Variants in OR6Y1 observed in about 807,000 individuals in gnomAD.
OR6Y1 encodes the protein olfactory receptor 6Y1.
In OR6Y1, 1 loss-of-function variant was observed where a neutral mutation model predicts 0.4. The ratio of observed to expected loss-of-function variants is 2.74; its 90% CI spans 0.97 to 13.02. The LOEUF (loss-of-function observed/expected upper bound fraction) is 13.02, where lower values mean the gene tolerates loss of function less well. OR6Y1 is among the 30% of genes most tolerant of loss of function. The pLI, the probability that OR6Y1 is intolerant of heterozygous loss-of-function variation, is 0.12. For synonymous variants in OR6Y1, 173 were observed against 141.1 expected (o/e 1.23, Z -1.60); for missense variants, 480 against 399.8 (o/e 1.20, Z -1.71).
Position 158,549,225 on chromosome 1 carries a change from A to C in OR6Y1, c.-1120T>G, listed in dbSNP as rs1647636736. 6.6e-6 allele frequency: 1 copy of C among 151,780 alleles called. No individual in the cohort carries two copies. The allele number at this position is 151,780 out of a possible 1,614,324, so 9.4% of individuals were successfully genotyped here. A position where few individuals can be genotyped will look rare whatever the true frequency, so the allele number is the denominator to read the frequency against. On this transcript the variant is annotated 5_prime_UTR_variant, in exon 2 of 2. Coordinates refer to ENST00000641622, the MANE Select transcript of OR6Y1 (RefSeq NM_001005189.2). ...GACTCTTCTGCATTTCTGTTCATTAATTTAGCAAAATGTGTGACCTCTTTT... is the reference window on the plus strand; with the variant it reads ...GACTCTTCTGCATTTCTGTTCATTACTTTAGCAAAATGTGTGACCTCTTTT...
At position 158,549,120 on chromosome 1, in the gene OR6Y1, A is replaced by G. The variant is rs186939711; in HGVS notation, c.-1015T>C. The G allele has an allele frequency of 6.6e-6, 1 of 151,866 alleles. No individual in the cohort carries two copies. The highest frequency in any genetic ancestry group is 1.9e-4 in the East Asian group (1 of 5,182). The allele number at this position is 151,866 out of a possible 1,614,324, so 9.4% of individuals were successfully genotyped here. A position where few individuals can be genotyped will look rare whatever the true frequency, so the allele number is the denominator to read the frequency against. On this transcript the variant is annotated 5_prime_UTR_variant, in exon 2 of 2. Coordinates refer to ENST00000641622, the MANE Select transcript of OR6Y1 (RefSeq NM_001005189.2). ...ATGAAAAAAGGGAGAGGACCGTGGG[A>G]CTTTTCCAAGGGTAATAAATTTAAA...
chr1:158,547,830 A>G lies in OR6Y1; in HGVS notation c.276T>C (p.Ser92=). ...CATTGAAGGAAATACTCTTGTCATG[A>G]CTGAGGAAGTCAACAAGCATCTTGG... ...ISPKMLVDFL[S]HDKSISFNGC... is the part of the protein sequence containing the mutation. Residue 92 remains serine, a synonymous_variant, in exon 2 of 2, where the codon AGT becomes AGC. Coordinates refer to ENST00000641622, the MANE Select transcript of OR6Y1 (RefSeq NM_001005189.2). 4 of 1,613,608 alleles carry G rather than the reference A, an allele frequency of 2.5e-6. No homozygotes were observed. The highest frequency in any genetic ancestry group is 3.4e-6 in the Non-Finnish European group (4 of 1,180,010).
Position 158,547,876 on chromosome 1 carries a change from C to T in OR6Y1, c.230G>A (p.Trp77Ter), listed in dbSNP as rs1647595798. ...CTTGGGGCTGATGACTGTGACATAC[C>T]ACATCTCCAGGAAGGAGAGGTGGCT... is the stretch of plus-strand genomic sequence containing the variant. Reference protein sequence around the residue: ...FLSHLSFLEMWYVTVISPKML... With the variant: ...FLSHLSFLEM Residue 77 changes from tryptophan (W) to a stop codon, truncating the protein, a stop_gained, in exon 2 of 2, where the codon TGG (tryptophan) becomes TAG (stop). Coordinates refer to ENST00000641622, the MANE Select transcript of OR6Y1 (RefSeq NM_001005189.2). LOFTEE classifies it high-confidence loss of function. The T allele has an allele frequency of 3.1e-6, 5 of 1,613,416 alleles. No homozygotes were observed. Among genetic ancestry groups the T allele is most frequent in the Non-Finnish European group, 4.2e-6 (5 of 1,180,002 alleles).
In OR6Y1 at chr1:158,552,286, T is replaced by G. The variant is rs1281305190; in HGVS notation, c.-1433+1980A>C. The stretch of plus-strand genomic sequence containing the variant: ...TGGCCAGTTTATCGGTTCCCTAAAG[T>G]TTGTGATCATCCTCTTTGGATGATT... On this transcript the variant is annotated intron_variant, in intron 1 of 1. Transcript: ENST00000641622. 3.3e-5 allele frequency among the ~76,000 whole-genome samples: 5 copies of G among 150,388 alleles called. No homozygotes were observed. The East Asian group carries it at 9.8e-4, about 29-fold the overall frequency.
At chr1:158,552,616 G>T (rs1481782694) in intron 1 of OR6Y1, among the ~76,000 whole-genome samples, 1 of 152,060 alleles carries the variant, frequency 6.6e-6, no homozygotes, top group African/African-American at 2.4e-5. Flanking sequence ...AATTGCTCCT[G>T]GTAATGGAGG....
Position 158,547,549 on chromosome 1 carries a change from A to C in OR6Y1, c.557T>G (p.Ile186Ser), listed in dbSNP as rs754954828. ...ACAGGAGACGTTAAGGAGTGGAGAGATATCACAAAAGTAGTGATTGATCTG... is the reference window on the plus strand; with the variant it reads ...ACAGGAGACGTTAAGGAGTGGAGAGCTATCACAAAAGTAGTGATTGATCTG... ...MPQINHYFCDISPLLNVSCED... is the reference protein window; with the variant it reads ...MPQINHYFCDSSPLLNVSCED... Residue 186 changes from isoleucine to serine, a missense_variant, in exon 2 of 2, where the codon ATC (isoleucine) becomes AGC (serine). Physicochemically the swap from Ile to Ser is moderately radical, Grantham distance 142. Coordinates refer to ENST00000641622, the MANE Select transcript of OR6Y1 (RefSeq NM_001005189.2). 6.2e-7 allele frequency: 1 copy of C among 1,613,384 alleles called. No homozygotes were observed. Among genetic ancestry groups the C allele is most frequent in the Non-Finnish European group, 8.5e-7 (1 of 1,179,944 alleles).
chr1:158,551,206 A>G (rs767190029), intron 1 of OR6Y1, among the ~76,000 whole-genome samples: 1 of 151,518 alleles, frequency 6.6e-6, no homozygotes, highest in Admixed American at 6.6e-5. Context: ...ATTTAAGGAG[A>G]ATCAAAGGGC....
rs1471302317 is a variant in OR6Y1, at chr1:158,547,345, A to G, written c.761T>C (p.Ile254Thr). 6.2e-7 allele frequency: 1 copy of G among 1,613,418 alleles called. No homozygotes were observed. Among genetic ancestry groups the G allele is most frequent in the African/African-American group, 1.3e-5 (1 of 74,396 alleles). Residue 254 changes from isoleucine to threonine, a missense_variant, in exon 2 of 2, where the codon ATT becomes ACT. Ile to Thr is a moderately conservative substitution (Grantham distance 89). Transcript: ENST00000641622. Reference sequence around the variant, plus strand: ...GAAAAGTGTCATGGAATAGAAGAGAATTACGACGGTCAGGTGGGAGGCACA... The same window carrying G: ...GAAAAGTGTCATGGAATAGAAGAGAGTTACGACGGTCAGGTGGGAGGCACA... ...STCASHLTVVILFYSMTLFTY... is the reference protein window; with the variant it reads ...STCASHLTVVTLFYSMTLFTY...
intron 1 of OR6Y1, among the ~76,000 whole-genome samples, chr1:158,551,867 A>G (rs73014221): frequency 0.023 from 3,364 of 149,388 alleles, 211 homozygotes; most frequent in African/African-American, 0.082. Flanking sequence ...TTAGCTCCCT[A>G]TCACATTTTG....
intron 1 of OR6Y1, among the ~76,000 whole-genome samples, chr1:158,552,400 T>C (rs1647726758): frequency 6.6e-6 from 1 of 152,008 alleles, no homozygotes; most frequent in South Asian, 2.1e-4. Context: ...CACTCTGGAA[T>C]CAGAGGATAA....
rs1311810162 is a variant in OR6Y1, at chr1:158,546,522, G to A, written c.*606C>T. On this transcript the variant is annotated 3_prime_UTR_variant, in exon 2 of 2. Coordinates refer to ENST00000641622, the MANE Select transcript of OR6Y1 (RefSeq NM_001005189.2). ...TGTTTTTAAACGCCTTAACAAATTA[G>A]TCATTTATGTTATTTGGAGGGAAGT... The A allele has an allele frequency of 6.6e-6, 1 of 151,984 alleles. No homozygotes were observed. The highest frequency in any genetic ancestry group is 1.5e-5 in the Non-Finnish European group (1 of 68,008). The allele number at this position is 151,984 out of a possible 1,614,324, so 9.4% of individuals were successfully genotyped here. A position where few individuals can be genotyped will look rare whatever the true frequency, so the allele number is the denominator to read the frequency against.
Position 158,548,180 on chromosome 1 carries a change from G to A in OR6Y1, c.-75C>T. The A allele has an allele frequency of 6.9e-7, 1 of 1,459,328 alleles. No individual in the cohort carries two copies. Among genetic ancestry groups the A allele is most frequent in the Non-Finnish European group, 9.2e-7 (1 of 1,087,656 alleles). The allele number at this position is 1,459,328 out of a possible 1,614,324, so 90.4% of individuals were successfully genotyped here. ...TAGTCTATGGTTATTTGTATTGATA[G>A]AGCCCACCACCAGCAAATTTATCAC... On this transcript the variant is annotated 5_prime_UTR_variant, in exon 2 of 2. Transcript: ENST00000641622.
chr1:158,547,862 T>A lies in OR6Y1; in HGVS notation c.244A>T (p.Ile82Phe). The A allele has an allele frequency of 1.9e-6, 3 of 1,613,598 alleles. No individual in the cohort carries two copies. Among genetic ancestry groups the A allele is most frequent in the Non-Finnish European group, 2.5e-6 (3 of 1,180,018 alleles). The change falls in exon 2 of 2, where the codon ATC becomes TTC. Residue 82 changes from isoleucine to phenylalanine, a missense_variant. By Grantham distance (21) the Ile-to-Phe change is conservative. Transcript: ENST00000641622. ...AAGTCAACAAGCATCTTGGGGCTGATGACTGTGACATACCACATCTCCAGG... is the reference window on the plus strand; with the variant it reads ...AAGTCAACAAGCATCTTGGGGCTGAAGACTGTGACATACCACATCTCCAGG... ...SFLEMWYVTVISPKMLVDFLS... is the reference protein window; with the variant it reads ...SFLEMWYVTVFSPKMLVDFLS...
chr1:158,553,629 T>C (rs1181622629), intron 1 of OR6Y1, among the ~76,000 whole-genome samples: 1 of 152,158 alleles, frequency 6.6e-6, no homozygotes, highest in Non-Finnish European at 1.5e-5. Context: ...AGACATCATT[T>C]TGTTTGTCAG....
intron 1 of OR6Y1, among the ~76,000 whole-genome samples, chr1:158,552,421 T>C (rs2101710477): frequency 6.6e-6 from 1 of 152,070 alleles, no homozygotes; most frequent in East Asian, 1.9e-4. Flanking sequence ...GAATATCTTC[T>C]TTTTCCCCTT....
rs1017553854 is a variant in OR6Y1 at position 158,545,203 on chromosome 1, T to G, written c.*1925A>C. 1 of 151,526 alleles carries G rather than the reference T, an allele frequency of 6.6e-6. No individual in the cohort carries two copies. Among genetic ancestry groups the G allele is most frequent in the Non-Finnish European group, 1.5e-5 (1 of 67,742 alleles). 9.4% of individuals were successfully genotyped at this position (151,526 alleles called of 1,614,324 possible). A position where few individuals can be genotyped will look rare whatever the true frequency, so the allele number is the denominator to read the frequency against. Reference sequence around the variant, plus strand: ...CCACAACCTCACCAGCATCTGTTATTTTTTTACATTTTAGTAATAGCCATT... The same window carrying G: ...CCACAACCTCACCAGCATCTGTTATGTTTTTACATTTTAGTAATAGCCATT... On this transcript the variant is annotated 3_prime_UTR_variant, in exon 2 of 2. Coordinates refer to ENST00000641622, the MANE Select transcript of OR6Y1 (RefSeq NM_001005189.2).
rs759844640 is a variant in OR6Y1, at chr1:158,547,915, A to G, written c.191T>C (p.Met64Thr). 2 of 1,613,566 alleles carry G rather than the reference A, an allele frequency of 1.2e-6. No individual in the cohort carries two copies. The highest frequency in any genetic ancestry group is 1.1e-5 in the South Asian group (1 of 91,086). Residue 64 changes from methionine (M) to threonine (T), a missense_variant, in exon 2 of 2, where the codon ATG (methionine) becomes ACG (threonine). Physicochemically the swap from Met to Thr is moderately conservative, Grantham distance 81. Transcript: ENST00000641622. ...IHSDGQLHKPMYFFLSHLSFL... is the reference protein window; with the variant it reads ...IHSDGQLHKPTYFFLSHLSFL... ...GGAGAGGTGGCTCAAGAAGAAGTAC[A>G]TGGGCTTATGCAGCTGCCCATCACT...
In OR6Y1 at chr1:158,544,723, T is replaced by C. The variant is rs966088252; in HGVS notation, c.*2405A>G. 1 of 152,158 alleles carries C rather than the reference T, an allele frequency of 6.6e-6. No individual in the cohort carries two copies. The highest frequency in any genetic ancestry group is 1.5e-5 in the Non-Finnish European group (1 of 68,032). The allele number at this position is 152,158 out of a possible 1,614,324, so 9.4% of individuals were successfully genotyped here. ...ACCCTCTAATGGGCCCCTACTGTGT[T>C]CCCTACTGTGTGTCCAAGAGTTCTC... is the stretch of plus-strand genomic sequence containing the variant. On this transcript the variant is annotated 3_prime_UTR_variant, in exon 2 of 2. Transcript: ENST00000641622.
In OR6Y1 at chr1:158,547,274, C is replaced by G. The variant is rs1208574574; in HGVS notation, c.832G>C (p.Val278Leu). ...ATGACAGTGTAGAGAACAGATACCA[C>G]TTTGTTGGAATTGTAGGCATACATG... ...KLMYAYNSNK[V>L]VSVLYTVIVP... The change falls in exon 2 of 2, where the codon GTG (valine) becomes CTG (leucine). Residue 278 changes from valine (V) to leucine (L), a missense_variant. By Grantham distance (32) the Val-to-Leu change is conservative. Coordinates refer to ENST00000641622, the MANE Select transcript of OR6Y1 (RefSeq NM_001005189.2). The G allele has an allele frequency of 6.2e-7, 1 of 1,613,600 alleles. No homozygotes were observed. The highest frequency in any genetic ancestry group is 1.7e-5 in the Admixed American group (1 of 60,004).
Sources: allele counts gnomAD v4.1 joint callset (sites outside exome capture counted in the v4.1 genomes callset), GRCh38; gene constraint gnomAD v4.1.1; transcripts MANE v1.5; gene names NCBI Gene and HGNC (gene_info 2026-07-23, HGNC 2026-07-21).